The following MEMO1 variants were observed in gnomAD, a reference collection of about 807,000 sequenced individuals.
The protein encoded by MEMO1 is mediator of cell motility 1.
In MEMO1, 6 loss-of-function variants were observed where a neutral mutation model predicts 45.2. That is an observed-to-expected ratio of 0.13 (90% confidence interval 0.07 to 0.26). The LOEUF (loss-of-function observed/expected upper bound fraction) is 0.26. Ranked by LOEUF, MEMO1 falls within the 10% of genes least tolerant of loss-of-function variation. The pLI is 1.00. For missense variants in MEMO1, 184 were observed against 370.5 expected, an observed-to-expected ratio of 0.50 and a Z score of 4.13; for synonymous variants, 78 against 124.3, an observed-to-expected ratio of 0.63 and a Z score of 2.48.
intron 2 of MEMO1, among the ~76,000 whole-genome samples, chr2:31,957,336 CAAT>C (rs1300655114): frequency 6.6e-6 from 1 of 152,024 alleles, no homozygotes; most frequent in Non-Finnish European, 1.5e-5. Context: ...AAGTCATAAA[CAAT>C]GATGCTGTGG....
chr2:31,909,561 G>A (rs570070466), intron 6 of MEMO1, among the ~76,000 whole-genome samples: 15 of 152,214 alleles, frequency 9.9e-5, no homozygotes, highest in Non-Finnish European at 1.9e-4. Flanking sequence ...CCAAAGAAGT[G>A]TAAGAGCTAT....
intron 8 of MEMO1, among the ~76,000 whole-genome samples, chr2:31,878,773 C>T (rs1572546971): frequency 6.6e-6 from 1 of 150,580 alleles, no homozygotes; most frequent in East Asian, 2.0e-4. Context: ...AAATTATTTT[C>T]TGTATGGTTA....
chr2:31,993,842 T>A (rs1260340678), intron 2 of MEMO1, among the ~76,000 whole-genome samples: 1 of 151,750 alleles, frequency 6.6e-6, no homozygotes, highest in African/African-American at 2.4e-5. Context: ...CAAACTATCC[T>A]ATTTTTTATC....
intron 2 of MEMO1, among the ~76,000 whole-genome samples, chr2:31,953,612 T>C (rs1009591113): frequency 2.6e-5 from 4 of 151,920 alleles, no homozygotes; most frequent in African/African-American, 4.8e-5. Flanking sequence ...TGCACCACCA[T>C]GTCCAGCTCA....
intron 2 of MEMO1, among the ~76,000 whole-genome samples, chr2:31,994,236 C>G (rs2148560948): frequency 6.6e-6 from 1 of 151,340 alleles, no homozygotes; most frequent in Admixed American, 6.6e-5. Flanking sequence ...ACTGGAATTA[C>G]AGGCATCAGC....
chr2:31,887,372 A>T (rs184982052), intron 7 of MEMO1, among the ~76,000 whole-genome samples: 4 of 152,308 alleles, frequency 2.6e-5, no homozygotes, highest in Non-Finnish European at 4.4e-5. Flanking sequence ...TAAAGCCCCC[A>T]AAAGATCAGT....
intron 2 of MEMO1, among the ~76,000 whole-genome samples, chr2:31,960,059 T>G (rs1043146870): frequency 1.3e-5 from 2 of 152,112 alleles, no homozygotes; most frequent in Admixed American, 6.5e-5. Flanking sequence ...CAGCCGGGTG[T>G]GGCGGCGCAT....
intron 2 of MEMO1, among the ~76,000 whole-genome samples, chr2:31,993,136 G>A (rs866305744): frequency 6.6e-6 from 1 of 152,040 alleles, no homozygotes; most frequent in Non-Finnish European, 1.5e-5. Flanking sequence ...CTGTGCCACC[G>A]CATTCCAGCC....
At chr2:32,000,972 C>G (rs1572945687) in intron 2 of MEMO1, among the ~76,000 whole-genome samples, 1 of 151,280 alleles carries the variant, frequency 6.6e-6, no homozygotes, top group African/African-American at 2.4e-5. Flanking sequence ...GAAATTGATT[C>G]GTTCAATATT....
chr2:32,009,418 A>G (rs1374534768), intron 2 of MEMO1, among the ~76,000 whole-genome samples: 2 of 151,822 alleles, frequency 1.3e-5, no homozygotes, highest in African/African-American at 4.8e-5. Flanking sequence ...GCCCCAACAT[A>G]CAAAGTGACA....
At chr2:31,942,840 A>G (rs1301382913) in intron 3 of MEMO1, among the ~76,000 whole-genome samples, 1 of 152,234 alleles carries the variant, frequency 6.6e-6, no homozygotes, top group Non-Finnish European at 1.5e-5. Context: ...CAATTCTTTT[A>G]TCCTTAAGTT....
intron 4 of MEMO1, among the ~76,000 whole-genome samples, chr2:31,928,954 G>A (rs1022542320): frequency 2.6e-5 from 4 of 152,216 alleles, no homozygotes; most frequent in Middle Eastern, 3.4e-3. Flanking sequence ...GCTTCCGAAC[G>A]TGAATTTCTA....
intron 8 of MEMO1, among the ~76,000 whole-genome samples, chr2:31,878,444 G>C (rs571496977): frequency 1.3e-5 from 2 of 152,002 alleles, no homozygotes; most frequent in African/African-American, 2.4e-5. Context: ...AAGAATACCA[G>C]GGTAGGTCTA....
intron 8 of MEMO1, among the ~76,000 whole-genome samples, chr2:31,870,759 G>A (rs999377849): frequency 6.6e-6 from 1 of 152,046 alleles, no homozygotes; most frequent in Non-Finnish European, 1.5e-5. Context: ...TGTATTTTTA[G>A]TAGAGACCAG....
At chr2:32,003,822 C>T (rs1324666648) in intron 2 of MEMO1, among the ~76,000 whole-genome samples, 1 of 152,054 alleles carries the variant, frequency 6.6e-6, no homozygotes, top group East Asian at 1.9e-4. Context: ...GAGGCCAAGG[C>T]AGGAGGACTG....
At chr2:31,975,241 G>A (rs1249689907) in intron 2 of MEMO1, among the ~76,000 whole-genome samples, 1 of 152,118 alleles carries the variant, frequency 6.6e-6, no homozygotes, top group Non-Finnish European at 1.5e-5. Context: ...TAAAACTAAT[G>A]TAAAAGAATT....
At position 31,902,563 on chromosome 2, in the gene MEMO1, G is replaced by GA. The variant is rs1021219641; in HGVS notation, c.438-10430dup. On this transcript the variant is annotated intron_variant, in intron 6 of 9. Transcript: ENST00000404530. ...ATCCTAAGCCTCAATTTTGCCATCTGAAAAAAACAGAAAAAACAGTTAATA... is the reference window on the plus strand; with the variant it reads ...ATCCTAAGCCTCAATTTTGCCATCTGAAAAAAAACAGAAAAAACAGTTAATA... Among the ~76,000 whole-genome samples, 8 of 152,072 alleles carry GA rather than the reference G, an allele frequency of 5.3e-5. No homozygotes were observed. In the East Asian group the frequency reaches 1.2e-3, roughly 22 times the overall value.
At chr2:31,923,004 G>A (rs952737522) in intron 4 of MEMO1, among the ~76,000 whole-genome samples, 10 of 151,936 alleles carry the variant, frequency 6.6e-5, no homozygotes, top group South Asian at 2.1e-4. Flanking sequence ...ATGGGACTGC[G>A]GGGCCCAGAG....
chr2:31,884,871 T>A (rs1226740024), intron 7 of MEMO1, among the ~76,000 whole-genome samples: 1 of 152,160 alleles, frequency 6.6e-6, no homozygotes, highest in African/African-American at 2.4e-5. Flanking sequence ...ATCTGCTTCC[T>A]GAATAAAACA....
Sources: allele counts gnomAD v4.1 joint callset (sites outside exome capture counted in the v4.1 genomes callset), GRCh38; gene constraint gnomAD v4.1.1; transcripts MANE v1.5; gene names NCBI Gene and HGNC (gene_info 2026-07-23, HGNC 2026-07-21).